SUGCT: variants seen among roughly 807,000 people sequenced by gnomAD.
SUGCT encodes the protein succinyl-CoA:glutarate CoA-transferase.
Under a neutral mutation model 55.0 loss-of-function variants are expected in SUGCT, and 41 were observed. The ratio of observed to expected loss-of-function variants is 0.74; its 90% CI spans 0.58 to 0.97. The LOEUF (loss-of-function observed/expected upper bound fraction) is 0.97, where lower values mean the gene tolerates loss of function less well. SUGCT is among the 50% of genes least tolerant of loss of function. The pLI is 0.00. For synonymous variants in SUGCT, 187 were observed against 200.4 expected (o/e 0.93, Z 0.56); for missense variants, 568 against 547.8 (o/e 1.04, Z -0.37).
chr7:40,205,185 G>A (rs1245639228), intron 6 of SUGCT, among the ~76,000 whole-genome samples: 3 of 151,048 alleles, frequency 2.0e-5, no homozygotes, highest in East Asian at 2.0e-4. Flanking sequence ...AACCCAGGAG[G>A]TGGAGGTTGC....
chr7:40,332,410 T>A (rs1313799658), intron 9 of SUGCT, among the ~76,000 whole-genome samples: 2 of 151,586 alleles, frequency 1.3e-5, no homozygotes, highest in African/African-American at 4.8e-5. Context: ...AATAAACTCA[T>A]CTTTCTTGTT....
intron 11 of SUGCT, among the ~76,000 whole-genome samples, chr7:40,464,806 G>A (rs1583749984): frequency 1.3e-5 from 2 of 152,216 alleles, no homozygotes; most frequent in Non-Finnish European, 2.9e-5. Context: ...CTGTTGCGAT[G>A]TTGTGCAGCA....
In SUGCT at chr7:40,289,912, C is replaced by T. The variant is rs996779053; in HGVS notation, c.720+15256C>T. On this transcript the variant is annotated intron_variant, in intron 8 of 13. Coordinates refer to ENST00000335693, the MANE Select transcript of SUGCT (RefSeq NM_001193313.2). The stretch of plus-strand genomic sequence containing the variant: ...AGTGAACTCCCATTCACAATTGCTT[C>T]GAAGAGAATAAAATACCTAGGAATC... Among the ~76,000 whole-genome samples the T allele has an allele frequency of 2.6e-5, 4 of 152,136 alleles. 1 individual carries two copies. The South Asian group carries it at 8.3e-4, about 32-fold the overall frequency.
the SUGCT span, among the ~76,000 whole-genome samples, chr7:40,953,826 G>C: frequency 6.6e-6 from 1 of 152,358 alleles, no homozygotes; most frequent in East Asian, 1.9e-4. Flanking sequence ...TTGTCTCAGA[G>C]GGGTACCCGG....
chr7:40,135,051 C>G lies in SUGCT; in HGVS notation c.31C>G (p.Leu11Val), dbSNP rs1020838962. Residue 11 changes from leucine (L) to valine (V), a missense_variant, in exon 1 of 14, where the codon CTG (leucine) becomes GTG (valine). Transcript: ENST00000335693. The part of the protein sequence containing the change: MLATLARVAA[L>V]RRTCLFSGRG... ...GGCGACGCTGGCGAGGGTGGCAGCT[C>G]TGCGCAGAACCTGCCTCTTCTCCGG... 11 of 1,561,966 alleles carry G rather than the reference C, an allele frequency of 7.0e-6. No individual in the cohort carries two copies. The African/African-American group carries it at 8.2e-5, about 12-fold the overall frequency.
chr7:40,403,924 T>C (rs1031042000), intron 9 of SUGCT, among the ~76,000 whole-genome samples: 1 of 152,242 alleles, frequency 6.6e-6, no homozygotes, highest in African/African-American at 2.4e-5. Flanking sequence ...TGCTGGCTGA[T>C]GCAATGTAAT....
At chr7:40,722,557 C>T (rs902583958) in intron 12 of SUGCT, among the ~76,000 whole-genome samples, 2 of 152,110 alleles carry the variant, frequency 1.3e-5, no homozygotes, top group Admixed American at 1.3e-4. Context: ...GACTTTTTTG[C>T]TTCTCCACTG....
At chr7:40,944,401 T>G in the SUGCT span, among the ~76,000 whole-genome samples, 1 of 151,614 alleles carries the variant, frequency 6.6e-6, no homozygotes, top group Non-Finnish European at 1.5e-5. Context: ...TTCTAGGGTT[T>G]TTATGGTTTT....
chr7:40,198,817 C>G (rs921247262), intron 6 of SUGCT, among the ~76,000 whole-genome samples: 9 of 151,482 alleles, frequency 5.9e-5, no homozygotes, highest in Non-Finnish European at 1.0e-4. Flanking sequence ...ACCAACATGA[C>G]GAAACCCCGT....
chr7:40,504,586 C>T (rs1005335040), intron 12 of SUGCT, among the ~76,000 whole-genome samples: 22 of 151,956 alleles, frequency 1.4e-4, no homozygotes, highest in Admixed American at 1.4e-3. Context: ...AAGGGCGTGC[C>T]ACCACACCCG....
At chr7:40,658,941 G>A (rs1490229873) in intron 12 of SUGCT, among the ~76,000 whole-genome samples, 2 of 152,130 alleles carry the variant, frequency 1.3e-5, no homozygotes, top group African/African-American at 2.4e-5. Flanking sequence ...GGAGTGGTGT[G>A]GAGTTTGACT....
Position 40,216,856 on chromosome 7 carries a change from G to GA in SUGCT, c.485-20766dup, listed in dbSNP as rs200157482. 1.2e-3 allele frequency among the ~76,000 whole-genome samples: 147 copies of GA among 125,312 alleles called. 1 individual carries two copies. The highest frequency in any genetic ancestry group is 4.0e-3 in the Middle Eastern group (1 of 248). The allele number at this position is 125,312 out of a possible 152,430, so 82.2% of individuals were successfully genotyped here. On this transcript the variant is annotated intron_variant, in intron 6 of 13. Transcript: ENST00000335693. ...AGGTGACAGTGAGAAATTCCATCTCGAAAAAAAAAAAAAGAAAAGTGTTGT... is the reference window on the plus strand; with the variant it reads ...AGGTGACAGTGAGAAATTCCATCTCGAAAAAAAAAAAAAAGAAAAGTGTTGT...
chr7:40,787,014 A>G (rs530182166), intron 13 of SUGCT, among the ~76,000 whole-genome samples: 1 of 152,310 alleles, frequency 6.6e-6, no homozygotes, highest in South Asian at 2.1e-4. Context: ...AATTTCACAA[A>G]TGCAGTCTGT....
chr7:40,872,904 G>A, the SUGCT span, among the ~76,000 whole-genome samples: 1 of 151,672 alleles, frequency 6.6e-6, no homozygotes, highest in Non-Finnish European at 1.5e-5. Context: ...GTCTGCTCTG[G>A]AGAAGAACTG....
the SUGCT span, among the ~76,000 whole-genome samples, chr7:40,873,627 A>G: frequency 1.3e-5 from 2 of 152,222 alleles, no homozygotes; most frequent in South Asian, 4.1e-4. Flanking sequence ...TAAACCTTTA[A>G]AAAATTAATT....
chr7:40,894,049 G>T, the SUGCT span, among the ~76,000 whole-genome samples: 1 of 117,814 alleles, frequency 8.5e-6, no homozygotes, highest in African/African-American at 2.7e-5. Flanking sequence ...GTGAGACTCT[G>T]TCTTAAGAAG....
chr7:41,027,612 A>G, the SUGCT span, among the ~76,000 whole-genome samples: 1 of 152,208 alleles, frequency 6.6e-6, no homozygotes, highest in Admixed American at 6.5e-5. Flanking sequence ...GTTTGTGGTT[A>G]TGAGAGCATC....
chr7:40,921,499 T>C, the SUGCT span, among the ~76,000 whole-genome samples: 1 of 152,204 alleles, frequency 6.6e-6, no homozygotes, highest in South Asian at 2.1e-4. Flanking sequence ...TGCTCAGATC[T>C]CACCTAGGTG....
At chr7:40,849,369 G>A (rs1022598267) in intron 13 of SUGCT, among the ~76,000 whole-genome samples, 1 of 152,112 alleles carries the variant, frequency 6.6e-6, no homozygotes, top group African/African-American at 2.4e-5. Context: ...CTGATCAATT[G>A]CCAGTGACCT....
Sources: gnomAD v4.1 joint callset for allele counts (sites outside exome capture counted in the v4.1 genomes callset) on GRCh38, gnomAD v4.1.1 for gene constraint, MANE v1.5 for transcripts, NCBI Gene and HGNC (gene_info 2026-07-23, HGNC 2026-07-21) for gene names.